GABRG3: variants seen among roughly 807,000 people sequenced by gnomAD.
The protein encoded by GABRG3 is gamma-aminobutyric acid type A receptor subunit gamma3.
GABRG3 carries 25 observed loss-of-function variants against 48.8 expected under a neutral mutation model. The ratio of observed to expected loss-of-function variants is 0.51; its 90% confidence interval spans 0.37 to 0.72. The LOEUF (loss-of-function observed/expected upper bound fraction) is 0.72, where lower values mean the gene tolerates loss of function less well. Ranked by LOEUF, GABRG3 falls within the 30% of genes least tolerant of loss-of-function variation. GABRG3 has a pLI of 0.00. For synonymous variants in GABRG3, 227 were observed against 217.6 expected, an observed-to-expected ratio of 1.04 and a Z score of -0.38; for missense variants, 394 against 577.9, an observed-to-expected ratio of 0.68 and a Z score of 3.26.
chr15:27,369,877 G>A (rs116145603), intron 5 of GABRG3, among the ~76,000 whole-genome samples: 4,461 of 149,124 alleles, frequency 0.03, 221 homozygotes, highest in African/African-American at 0.1. Context: ...TGTGGGCACG[G>A]ACCCAGATCT....
chr15:27,345,006 A>G (rs1401667854), intron 5 of GABRG3, among the ~76,000 whole-genome samples: 2 of 152,170 alleles, frequency 1.3e-5, no homozygotes, highest in African/African-American at 4.8e-5. Flanking sequence ...TGAAATTAAT[A>G]TAGCTTTCTA....
intron 2 of GABRG3, among the ~76,000 whole-genome samples, chr15:27,002,397 C>T (rs1895465386): frequency 6.6e-6 from 1 of 152,158 alleles, no homozygotes; most frequent in South Asian, 2.1e-4. Flanking sequence ...TCTGATTTCA[C>T]AAATAGTTTT....
intron 3 of GABRG3, among the ~76,000 whole-genome samples, chr15:27,267,982 A>G (rs367941520): frequency 1.3e-5 from 2 of 152,294 alleles, no homozygotes; most frequent in African/African-American, 4.8e-5. Flanking sequence ...CCAGTGAGGT[A>G]TATTGCTCTG....
intron 3 of GABRG3, among the ~76,000 whole-genome samples, chr15:27,273,877 C>T (rs1230086298): frequency 6.6e-6 from 1 of 152,112 alleles, no homozygotes; most frequent in African/African-American, 2.4e-5. Context: ...TGGGATCTTG[C>T]CATGTCTGGG....
At chr15:27,116,035 A>G (rs981273683) in intron 3 of GABRG3, among the ~76,000 whole-genome samples, 1 of 152,206 alleles carries the variant, frequency 6.6e-6, no homozygotes, top group Non-Finnish European at 1.5e-5. Context: ...GTGGAGGGAA[A>G]ATTACTAAGG....
chr15:26,988,447 A>C (rs1895188597), intron 2 of GABRG3, among the ~76,000 whole-genome samples: 3 of 152,166 alleles, frequency 2.0e-5, no homozygotes, highest in Admixed American at 2.0e-4. Context: ...GTGTTAAAAT[A>C]GCCACTTCAG....
chr15:27,467,270 C>T (rs184488204), intron 5 of GABRG3, among the ~76,000 whole-genome samples: 20 of 152,270 alleles, frequency 1.3e-4, no homozygotes, highest in Non-Finnish European at 2.2e-4. Flanking sequence ...CTCTCATGGC[C>T]TCATTAACCT....
intron 3 of GABRG3, among the ~76,000 whole-genome samples, chr15:27,072,268 T>C (rs1031715712): frequency 3.3e-5 from 5 of 152,200 alleles, no homozygotes; most frequent in African/African-American, 1.2e-4. Flanking sequence ...GTGTCCCCAG[T>C]CCACTCGGTA....
chr15:27,474,571 A>G (rs916438471), intron 5 of GABRG3, among the ~76,000 whole-genome samples: 3 of 152,162 alleles, frequency 2.0e-5, no homozygotes, highest in African/African-American at 7.2e-5. Flanking sequence ...GCTTAGTGGC[A>G]TGTCAATCTC....
intron 3 of GABRG3, among the ~76,000 whole-genome samples, chr15:27,101,724 A>G (rs1341890072): frequency 6.6e-6 from 1 of 152,050 alleles, no homozygotes; most frequent in African/African-American, 2.4e-5. Context: ...AAACAAAAAC[A>G]AAACAACACC....
intron 3 of GABRG3, among the ~76,000 whole-genome samples, chr15:27,063,546 ATG>A (rs1566924726): frequency 6.6e-6 from 1 of 152,164 alleles, no homozygotes; most frequent in Non-Finnish European, 1.5e-5. Context: ...TGACCATGTG[ATG>A]CGCCTTCTGC....
chr15:27,287,756 T>TTTTTA (rs397947640), intron 3 of GABRG3, among the ~76,000 whole-genome samples: 1 of 149,216 alleles, frequency 6.7e-6, no homozygotes, highest in African/African-American at 2.5e-5. Flanking sequence ...TTTTTTTTTT[T>TTTTTA]GAGATGGAGT....
intron 3 of GABRG3, among the ~76,000 whole-genome samples, chr15:27,119,995 C>T (rs1566940164): frequency 6.6e-6 from 1 of 152,244 alleles, no homozygotes; most frequent in Non-Finnish European, 1.5e-5. Context: ...AGGTCCTTGT[C>T]ATACTCAAGA....
At chr15:27,295,760 C>CA (rs1891961908) in intron 3 of GABRG3, among the ~76,000 whole-genome samples, 1 of 152,182 alleles carries the variant, frequency 6.6e-6, no homozygotes, top group Admixed American at 6.5e-5. Context: ...TTGTAACTCT[C>CA]AGAGTCTACA....
chr15:27,227,737 A>G (rs1209324911), intron 3 of GABRG3, among the ~76,000 whole-genome samples: 2 of 151,976 alleles, frequency 1.3e-5, no homozygotes, highest in African/African-American at 4.8e-5. Flanking sequence ...TACAAAATTT[A>G]ATTACTAGAT....
chr15:27,104,061 G>A (rs1192913731), intron 3 of GABRG3, among the ~76,000 whole-genome samples: 1 of 152,200 alleles, frequency 6.6e-6, no homozygotes, highest in Non-Finnish European at 1.5e-5. Flanking sequence ...ACCAAGTTGA[G>A]GTAGTTTCAT....
rs532276059 is a variant in GABRG3, at chr15:27,171,364, A to T, written c.270+144543A>T. 5.3e-4 allele frequency among the ~76,000 whole-genome samples: 81 copies of T among 152,242 alleles called. 1 individual carries two copies. The South Asian group carries it at 0.015, about 28-fold the overall frequency. ...ATTATGTTTTTATTTCCCCTGGCCT[A>T]CCAATGTAAAAGCTAGAAATAAAGG... On this transcript the variant is annotated intron_variant, in intron 3 of 9. Transcript: ENST00000615808.
chr15:27,428,957 C>T (rs919648699), intron 5 of GABRG3, among the ~76,000 whole-genome samples: 4 of 152,132 alleles, frequency 2.6e-5, no homozygotes, highest in African/African-American at 9.7e-5. Flanking sequence ...AAGTCAGGTA[C>T]GAATCTGTGA....
chr15:27,259,357 T>A (rs770395433), intron 3 of GABRG3, among the ~76,000 whole-genome samples: 1 of 152,146 alleles, frequency 6.6e-6, no homozygotes, highest in Non-Finnish European at 1.5e-5. Flanking sequence ...CTTTGTGCCA[T>A]TGGGCTCCGT....
Sources: gnomAD v4.1 joint callset for allele counts (sites outside exome capture counted in the v4.1 genomes callset) on GRCh38, gnomAD v4.1.1 for gene constraint, MANE v1.5 for transcripts, NCBI Gene and HGNC (gene_info 2026-07-23, HGNC 2026-07-21) for gene names.